ECPAS: variants seen among roughly 807,000 people sequenced by gnomAD.
ECPAS encodes the protein proteasome adapter and scaffold protein ECM29.
A neutral mutation model predicts 255.1 loss-of-function variants in ECPAS; 70 were observed. The observed-to-expected ratio is 0.27, with a 90% CI of 0.23 to 0.33. ECPAS has a LOEUF of 0.33. Ranked by LOEUF, ECPAS falls within the 10% of genes least tolerant of loss-of-function variation. The probability of loss-of-function intolerance (pLI) is 1.00; values close to 1 mark genes in which losing one functional copy is unlikely to be tolerated. For synonymous variants in ECPAS, 784 were observed against 775.0 expected (o/e 1.01, Z -0.19); for missense variants, 1,817 against 2,206.4 (o/e 0.82, Z 3.54).
intron 20 of ECPAS, 61 bp downstream of exon 20, chr9:111,413,834 A>T (rs1353789912): frequency 4.2e-5 from 45 of 1,075,018 alleles, no homozygotes; most frequent in Non-Finnish European, 5.9e-5. Context: ...AGGAAAAAGA[A>T]ATCATGAAGT....
chr9:111,434,900 T>C (rs2098235629), intron 7 of ECPAS, among the ~76,000 whole-genome samples: 1 of 125,454 alleles, frequency 8.0e-6, no homozygotes, highest in East Asian at 3.0e-4. Context: ...ATCTGGCTTT[T>C]TTTTTTTTTT....
intron 15 of ECPAS, among the ~76,000 whole-genome samples, chr9:111,421,512 A>G (rs982734398): frequency 6.6e-6 from 1 of 151,860 alleles, no homozygotes; most frequent in African/African-American, 2.4e-5. Flanking sequence ...GAGGAAGAAG[A>G]GCATGTATGA....
At position 111,433,277 on chromosome 9, in the gene ECPAS, G is replaced by C; in HGVS notation, c.804C>G (p.His268Gln). Residue 268 changes from histidine to glutamine, a missense_variant, in exon 8 of 50, where the codon CAC (histidine) becomes CAG (glutamine). By Grantham distance (24) the His-to-Gln change is conservative. Around this residue, in one of 4 missense-constraint regions of ECPAS, gnomAD observed 573 missense variants for 716.2 expected, o/e 0.80. Transcript: ENST00000684092. ...HLVIASSDTRHSVATAADLEL... is the reference protein window; with the variant it reads ...HLVIASSDTRQSVATAADLEL... Reference sequence around the variant, plus strand: ...CCAGGTCTGCTGCCGTTGCCACACTGTGGCGTGTATCACTAGAGGCAATCA... The same window carrying C: ...CCAGGTCTGCTGCCGTTGCCACACTCTGGCGTGTATCACTAGAGGCAATCA... The C allele has an allele frequency of 1.2e-6, 2 of 1,614,012 alleles. No homozygotes were observed. The highest frequency in any genetic ancestry group is 1.7e-6 in the Non-Finnish European group (2 of 1,179,864).
chr9:111,441,074 C>T lies in ECPAS; in HGVS notation c.390-553G>A, dbSNP rs183560236. On this transcript the variant is annotated intron_variant, in intron 5 of 49. Coordinates refer to ENST00000684092, the MANE Select transcript of ECPAS (RefSeq NM_001364929.1). ...GGCTGAGGCAGGAGAATGGAGTGAACCCGGGAGGCGGAGCTTGCAGTGAGC... is the reference window on the plus strand; with the variant it reads ...GGCTGAGGCAGGAGAATGGAGTGAATCCGGGAGGCGGAGCTTGCAGTGAGC... 1.9e-3 allele frequency among the ~76,000 whole-genome samples: 281 copies of T among 151,748 alleles called. 1 individual carries two copies. Among genetic ancestry groups the T allele is most frequent in the African/African-American group, 6.6e-3 (274 of 41,356 alleles).
chr9:111,398,550 A>G (rs1483634502), intron 24 of ECPAS, among the ~76,000 whole-genome samples: 3 of 152,208 alleles, frequency 2.0e-5, no homozygotes, highest in Non-Finnish European at 4.4e-5. Context: ...GAAATTTCCT[A>G]TAATAAAAAG....
intron 46 of ECPAS, among the ~76,000 whole-genome samples, chr9:111,367,176 A>C (rs889453916): frequency 2.6e-5 from 4 of 152,232 alleles, no homozygotes; most frequent in African/African-American, 9.6e-5. Flanking sequence ...CTGATGAATC[A>C]GCAGAAAACT....
intron 9 of ECPAS, among the ~76,000 whole-genome samples, chr9:111,430,286 C>G (rs1231418150): frequency 1.3e-5 from 2 of 152,144 alleles, no homozygotes. Context: ...CCTGCAAAGC[C>G]TACAAAATTT....
chr9:111,471,595 C>A (rs1405845617), intron 2 of ECPAS, among the ~76,000 whole-genome samples: 1 of 152,136 alleles, frequency 6.6e-6, no homozygotes, highest in Admixed American at 6.5e-5. Flanking sequence ...GATATTGAGT[C>A]CATGATATCA....
At chr9:111,453,554 G>A (rs890183574) in intron 2 of ECPAS, among the ~76,000 whole-genome samples, 3 of 152,148 alleles carry the variant, frequency 2.0e-5, no homozygotes, top group Non-Finnish European at 2.9e-5. Context: ...ACTAGATTTA[G>A]TGACTACTTC....
intron 11 of ECPAS, 41 bp downstream of exon 11, chr9:111,425,702 G>A (rs761133394): frequency 8.3e-7 from 1 of 1,200,176 alleles, no homozygotes; most frequent in South Asian, 1.3e-5. Flanking sequence ...AATCATTCCA[G>A]CAGCTTGAAA....
At chr9:111,423,171 A>G in intron 13 of ECPAS, 28 bp downstream of exon 13, 1 of 1,498,922 alleles carries the variant, frequency 6.7e-7, no homozygotes, top group Non-Finnish European at 9.1e-7. Context: ...CCAACACCAT[A>G]TCTCTCACTA....
In ECPAS at chr9:111,442,320, C is replaced by T. The variant is rs1264127576; in HGVS notation, c.375G>A (p.Gln125=). 3 of 1,609,468 alleles carry T rather than the reference C, an allele frequency of 1.9e-6. No individual in the cohort carries two copies. The highest frequency in any genetic ancestry group is 1.7e-6 in the Non-Finnish European group (2 of 1,177,182). Residue 125 remains glutamine, a synonymous_variant, in exon 5 of 50, where the codon CAG becomes CAA. Transcript: ENST00000684092. ...TLLTAMEGKP[Q]PQQDSLMHLL... ...GGAAATCATACCTATCCTGCTGTGG[C>T]TGAGGCTTCCCTTCCATGGCAGTAA...
chr9:111,416,971 A>G (rs1003890395), intron 17 of ECPAS, among the ~76,000 whole-genome samples: 3 of 152,246 alleles, frequency 2.0e-5, no homozygotes, highest in Non-Finnish European at 4.4e-5. Context: ...TGGGAAGAAC[A>G]TGAACTGTTC....
rs1239450128 is a variant in ECPAS, at chr9:111,372,595, A to C, written c.4362T>G (p.Ala1454=). 1.9e-6 allele frequency: 3 copies of C among 1,612,978 alleles called. No homozygotes were observed. Among genetic ancestry groups the C allele is most frequent in the Non-Finnish European group, 2.5e-6 (3 of 1,179,362 alleles). The change falls in exon 42 of 50, where the codon GCT becomes GCG. Residue 1454 remains alanine (A), a synonymous_variant. Transcript: ENST00000684092. ...ATCGTCCAATAGCATGAATAGTCAA[A>C]GCACAAGAGGTCTTGTAGATAGGTT... The part of the protein sequence containing the change: ...KEEPIYKTSC[A]LTIHAIGRYS...
chr9:111,384,326 G>GTA (rs1379171158), intron 34 of ECPAS, among the ~76,000 whole-genome samples, 196 bp downstream of exon 34: 1 of 152,186 alleles, frequency 6.6e-6, no homozygotes, highest in Non-Finnish European at 1.5e-5. Context: ...AGAGACCACA[G>GTA]TATACTCTGT....
At chr9:111,466,616 TAC>T (rs55763374) in intron 2 of ECPAS, among the ~76,000 whole-genome samples, 43,819 of 143,218 alleles carry the variant, frequency 0.31, 7,036 homozygotes, top group South Asian at 0.38. Context: ...AATAACTAAA[TAC>T]ACACACACAC....
At chr9:111,393,869 T>C in intron 26 of ECPAS, 135 bp from the exon 27 acceptor site, 1 of 722,726 alleles carries the variant, frequency 1.4e-6, no homozygotes. Flanking sequence ...CTCTCATCTT[T>C]ACAGGTGGCC....
intron 1 of ECPAS, among the ~76,000 whole-genome samples, chr9:111,474,476 T>C (rs2098293666): frequency 6.6e-6 from 1 of 152,222 alleles, no homozygotes; most frequent in African/African-American, 2.4e-5. Context: ...TACTTGGCCA[T>C]TGTGATACCC....
chr9:111,386,685 C>T (rs1353037895), intron 31 of ECPAS, among the ~76,000 whole-genome samples: 3 of 152,170 alleles, frequency 2.0e-5, no homozygotes, highest in African/African-American at 7.2e-5. Flanking sequence ...TTTTATTTTC[C>T]TCAGTGCATG....
Sources: gnomAD v4.1 joint callset for allele counts (sites outside exome capture counted in the v4.1 genomes callset) on GRCh38, gnomAD v4.1.1 for gene constraint, gnomAD v4.1.1 regional missense constraint, MANE v1.5 for transcripts, NCBI Gene and HGNC (gene_info 2026-07-23, HGNC 2026-07-21) for gene names.